The following NRXN1 variants were observed in gnomAD, a reference collection of about 807,000 sequenced individuals.
NRXN1 encodes the protein neurexin 1.
Under a neutral mutation model 150.9 loss-of-function variants are expected in NRXN1, and 39 were observed. The ratio of observed to expected loss-of-function variants is 0.26; its 90% CI spans 0.20 to 0.34. The LOEUF (loss-of-function observed/expected upper bound fraction) is 0.34, where lower values mean the gene tolerates loss of function less well. Among genes scored for constraint, NRXN1 ranks in the 10% least tolerant of loss-of-function variants. The pLI, the probability that NRXN1 is intolerant of heterozygous loss-of-function variation, is 1.00. For missense variants in NRXN1, 1,815 were observed against 1,949.9 expected (o/e 0.93, Z 1.30); for synonymous variants, 924 against 757.0 (o/e 1.22, Z -3.62).
chr2:50,827,428 C>T (rs534712206), intron 5 of NRXN1, among the ~76,000 whole-genome samples: 1 of 152,250 alleles, frequency 6.6e-6, no homozygotes, highest in Admixed American at 6.5e-5. Context: ...TGCCCTGACA[C>T]TTAGTATCCC....
chr2:50,352,942 C>CGATA (rs1042139290), intron 17 of NRXN1, among the ~76,000 whole-genome samples: 3 of 151,742 alleles, frequency 2.0e-5, no homozygotes, highest in African/African-American at 7.3e-5. Context: ...CTCCAACCAC[C>CGATA]GATAGTCCAG....
intron 11 of NRXN1, among the ~76,000 whole-genome samples, chr2:50,530,718 C>G (rs2093077657): frequency 6.6e-6 from 1 of 152,108 alleles, no homozygotes; most frequent in Non-Finnish European, 1.5e-5. Context: ...ACACAGTACT[C>G]CGAAACAGAA....
At chr2:50,219,288 G>A (rs2063626368) in intron 18 of NRXN1, among the ~76,000 whole-genome samples, 1 of 151,184 alleles carries the variant, frequency 6.6e-6, no homozygotes. Context: ...ATTATTTCAA[G>A]TATTGTCTTT....
chr2:50,723,191 T>C lies in NRXN1; in HGVS notation c.833-99576A>G, dbSNP rs117501511. 4.6e-5 allele frequency among the ~76,000 whole-genome samples: 7 copies of C among 152,166 alleles called. No individual in the cohort carries two copies. The East Asian group carries it at 1.2e-3, about 25-fold the overall frequency. ...AGCAAGAATCCTCCAAGATCTATAA[T>C]TGCACAGGCCCCAGGAAAGAAGCAT... On this transcript the variant is annotated intron_variant, in intron 5 of 22. Coordinates refer to ENST00000401669, the MANE Select transcript of NRXN1 (RefSeq NM_001330078.2).
chr2:50,577,374 A>C (rs1222043205), intron 8 of NRXN1, among the ~76,000 whole-genome samples: 1 of 152,120 alleles, frequency 6.6e-6, no homozygotes, highest in Non-Finnish European at 1.5e-5. Flanking sequence ...CTAAAAAAAA[A>C]AAACAAAGAT....
chr2:50,394,386 A>AT (rs1480598970), intron 17 of NRXN1, among the ~76,000 whole-genome samples: 1 of 152,096 alleles, frequency 6.6e-6, no homozygotes, highest in Non-Finnish European at 1.5e-5. Flanking sequence ...AAAAGTCTTG[A>AT]TTTTCCATTC....
chr2:50,381,397 G>C (rs2080948796), intron 17 of NRXN1, among the ~76,000 whole-genome samples: 1 of 152,022 alleles, frequency 6.6e-6, no homozygotes, highest in Non-Finnish European at 1.5e-5. Flanking sequence ...TTACCAAAGA[G>C]TACCTGGGGA....
chr2:50,203,526 G>T (rs1018531950), intron 18 of NRXN1, among the ~76,000 whole-genome samples: 25 of 152,118 alleles, frequency 1.6e-4, no homozygotes, highest in Admixed American at 1.6e-3. Context: ...GTTAATGCTT[G>T]CCTTGCTCTC....
rs75209275 is a variant in NRXN1 at position 50,954,520 on chromosome 2, C to T, written c.773-28565G>A. ...AGGAATTAGGGCATAGACAGACTCACTTGAAGGGAGTAAGCAATCAAGAAA... is the reference window on the plus strand; with the variant it reads ...AGGAATTAGGGCATAGACAGACTCATTTGAAGGGAGTAAGCAATCAAGAAA... On this transcript the variant is annotated intron_variant, in intron 2 of 22. Coordinates refer to ENST00000401669, the MANE Select transcript of NRXN1 (RefSeq NM_001330078.2). Among the ~76,000 whole-genome samples the T allele has an allele frequency of 3.6e-3, 550 of 152,242 alleles. 2 individuals are homozygous for T. Among genetic ancestry groups the T allele is most frequent in the African/African-American group, 0.013 (537 of 41,534 alleles).
rs1200986996 is a variant in NRXN1, at chr2:50,347,274, T to C, written c.3365-110304A>G. 8 of 1,302,836 alleles carry C rather than the reference T, an allele frequency of 6.1e-6. No individual in the cohort carries two copies. The highest frequency in any genetic ancestry group is 3.0e-5 in the African/African-American group (2 of 65,980). 80.7% of individuals were successfully genotyped at this position (1,302,836 alleles called of 1,614,324 possible). On this transcript the variant is annotated intron_variant, in intron 17 of 22. Transcript: ENST00000401669. This position sits in a 1 kb window ranked among gnomAD's most constrained non-coding sequence, Gnocchi z 4.9. ...AGGGCTCCAGGTTCTCGAGAGATAC[T>C]CCCAAAGAGTTTCGGGCGAGAGTGC...
intron 5 of NRXN1, among the ~76,000 whole-genome samples, chr2:50,802,428 G>T (rs1406531143): frequency 6.6e-6 from 1 of 151,728 alleles, no homozygotes; most frequent in Non-Finnish European, 1.5e-5. Context: ...GGAGGCAGAG[G>T]TTGCAGTGAG....
intron 17 of NRXN1, among the ~76,000 whole-genome samples, chr2:50,374,792 T>A (rs754088060): frequency 6.6e-6 from 1 of 152,212 alleles, no homozygotes; most frequent in Non-Finnish European, 1.5e-5. Context: ...CAAATCCATA[T>A]TTTGTGGATT....
intron 5 of NRXN1, among the ~76,000 whole-genome samples, chr2:50,727,457 C>T (rs74264614): frequency 1.3e-5 from 2 of 151,676 alleles, no homozygotes; most frequent in Admixed American, 6.6e-5. Context: ...CACACACACA[C>T]ACCTACACAT....
At chr2:50,705,009 C>T (rs1376035481) in intron 5 of NRXN1, among the ~76,000 whole-genome samples, 3 of 150,678 alleles carry the variant, frequency 2.0e-5, no homozygotes, top group African/African-American at 4.9e-5. Flanking sequence ...TAATAACTTA[C>T]GAATAAAACA....
At chr2:50,431,964 A>G (rs1205779858) in intron 17 of NRXN1, among the ~76,000 whole-genome samples, 3 of 152,262 alleles carry the variant, frequency 2.0e-5, no homozygotes, top group African/African-American at 7.2e-5. Flanking sequence ...CTTCACAAGC[A>G]TCACTGTATG....
chr2:50,413,901 T>C (rs10194754), intron 17 of NRXN1, among the ~76,000 whole-genome samples: 79,090 of 151,854 alleles, frequency 0.52, 22,954 homozygotes, highest in East Asian at 0.82. Context: ...AACTGGGCAT[T>C]ATTATGTTAA....
intron 17 of NRXN1, among the ~76,000 whole-genome samples, chr2:50,281,007 TA>T (rs2071360973): frequency 1.3e-5 from 2 of 151,864 alleles, no homozygotes; most frequent in Non-Finnish European, 1.5e-5. Context: ...TATTTTTTAT[TA>T]AAAAATCCAT....
chr2:50,118,099 T>C (rs6731360), intron 18 of NRXN1, among the ~76,000 whole-genome samples: 49,461 of 151,890 alleles, frequency 0.33, 8,520 homozygotes, highest in Admixed American at 0.42. Context: ...TAGGAGAAAA[T>C]ACAAAAGTAA....
In NRXN1 at chr2:49,921,537, G is replaced by A. The variant is rs1668199590; in HGVS notation, c.*407C>T. 1 of 171,078 alleles carries A rather than the reference G, an allele frequency of 5.8e-6. No homozygotes were observed. Among genetic ancestry groups the A allele is most frequent in the African/African-American group, 2.4e-5 (1 of 41,606 alleles). The allele number at this position is 171,078 out of a possible 1,614,324, so 10.6% of individuals were successfully genotyped here. ...GGACTGACTTCTCAGGAAAGCGCTA[G>A]CACTTTGGCTAAATCCAGGATCATA... On this transcript the variant is annotated 3_prime_UTR_variant, in exon 23 of 23. Transcript: ENST00000401669.
Sources: allele counts gnomAD v4.1 joint callset (sites outside exome capture counted in the v4.1 genomes callset), GRCh38; gene constraint gnomAD v4.1.1; non-coding constraint Gnocchi (gnomAD v3.1); transcripts MANE v1.5; gene names NCBI Gene and HGNC (gene_info 2026-07-23, HGNC 2026-07-21).